Variants in MARCHF1 observed in about 807,000 individuals in gnomAD.
MARCHF1 encodes E3 ubiquitin-protein ligase MARCHF1.
Under a neutral mutation model 54.2 loss-of-function variants are expected in MARCHF1, and 40 were observed. The observed-to-expected ratio is 0.74, with a 90% CI of 0.57 to 0.96. The LOEUF is 0.96. MARCHF1 is among the 40% of genes least tolerant of loss of function. MARCHF1 has a pLI of 0.00. For missense variants in MARCHF1, 586 were observed against 656.5 expected (o/e 0.89, Z 1.17); for synonymous variants, 236 against 236.3 (o/e 1.00, Z 0.01).
intron 1 of MARCHF1, among the ~76,000 whole-genome samples, chr4:164,285,333 TGCAGTGCATTA>T (rs1734116213): frequency 6.6e-6 from 1 of 152,130 alleles, no homozygotes; most frequent in East Asian, 1.9e-4. Context: ...GGTTCAAGGC[TGCAGTGCATTA>T]TGATTCTGCC....
intron 3 of MARCHF1, among the ~76,000 whole-genome samples, chr4:163,898,213 C>T (rs1409593460): frequency 6.6e-6 from 1 of 151,814 alleles, no homozygotes; most frequent in Non-Finnish European, 1.5e-5. Flanking sequence ...AACTAAAAAG[C>T]TCTGCACAGC....
chr4:164,005,070 TAAATC>T (rs796964542), intron 2 of MARCHF1, among the ~76,000 whole-genome samples: 58 of 151,490 alleles, frequency 3.8e-4, no homozygotes, highest in African/African-American at 1.4e-3. Flanking sequence ...AAAAGATAAA[TAAATC>T]AAAAGAAAAG....
intron 4 of MARCHF1, among the ~76,000 whole-genome samples, chr4:163,789,252 C>G (rs565793828): frequency 5.9e-4 from 89 of 151,986 alleles, no homozygotes; most frequent in African/African-American, 2.0e-3. Flanking sequence ...ATACAAGCGA[C>G]TTAAAGATCA....
chr4:163,733,243 ACG>A (rs1554008872), intron 4 of MARCHF1, among the ~76,000 whole-genome samples: 7 of 55,186 alleles, frequency 1.3e-4, no homozygotes, highest in African/African-American at 3.3e-4. Context: ...ATATATATAC[ACG>A]TGTATATATA....
chr4:164,121,826 C>T (rs1011988436), intron 1 of MARCHF1, among the ~76,000 whole-genome samples: 3 of 152,042 alleles, frequency 2.0e-5, no homozygotes, highest in African/African-American at 4.8e-5. Flanking sequence ...GGAGAGATTA[C>T]TTCCAAATTC....
intron 4 of MARCHF1, among the ~76,000 whole-genome samples, chr4:163,711,489 G>T (rs1257710011): frequency 6.6e-6 from 1 of 152,126 alleles, no homozygotes; most frequent in South Asian, 2.1e-4. Context: ...ATCTCACCAA[G>T]GCTCCTTTGC....
intron 1 of MARCHF1, among the ~76,000 whole-genome samples, chr4:164,262,107 GAA>G (rs1184867700): frequency 6.9e-5 from 5 of 72,288 alleles, no homozygotes; most frequent in African/African-American, 1.2e-4. Context: ...CCTATCTTAA[GAA>G]AAAAAAAAAA....
intron 1 of MARCHF1, among the ~76,000 whole-genome samples, chr4:164,345,671 G>A (rs760008175): frequency 4.6e-5 from 7 of 150,982 alleles, no homozygotes; most frequent in African/African-American, 7.3e-5. Flanking sequence ...AACACATCAC[G>A]CAAATTTGAC....
intron 4 of MARCHF1, among the ~76,000 whole-genome samples, chr4:163,725,164 T>C (rs1745613739): frequency 6.6e-6 from 1 of 152,174 alleles, no homozygotes; most frequent in South Asian, 2.1e-4. Flanking sequence ...TATATATTAA[T>C]TTATAATGGC....
chr4:163,608,277 G>A (rs1459284836), intron 7 of MARCHF1, among the ~76,000 whole-genome samples: 1 of 152,036 alleles, frequency 6.6e-6, no homozygotes, highest in East Asian at 1.9e-4. Flanking sequence ...GAAAGAATAG[G>A]AAGTCGTCTG....
Position 163,528,747 on chromosome 4 carries a change from A to C in MARCHF1, c.*1T>G. On this transcript the variant is annotated 3_prime_UTR_variant, in exon 10 of 10. Transcript: ENST00000514618. ...GGTGAAGAAACTCCCAACAGGTTCC[A>C]TCAGACTGATACAACTTCAGGGGGG... The C allele has an allele frequency of 6.2e-7, 1 of 1,606,078 alleles. No homozygotes were observed. Among genetic ancestry groups the C allele is most frequent in the Non-Finnish European group, 8.5e-7 (1 of 1,175,266 alleles).
chr4:163,935,574 G>A (rs1254997780), intron 3 of MARCHF1, among the ~76,000 whole-genome samples: 1 of 152,080 alleles, frequency 6.6e-6, no homozygotes, highest in African/African-American at 2.4e-5. Flanking sequence ...AGCCTTCACA[G>A]AATTGAAGAG....
chr4:163,898,799 C>T lies in MARCHF1; in HGVS notation c.-38-44630G>A, dbSNP rs145410124. Among the ~76,000 whole-genome samples the T allele has an allele frequency of 7.9e-4, 120 of 152,186 alleles. 2 individuals carry two copies. In the East Asian group the frequency reaches 0.018, roughly 22 times the overall value. On this transcript the variant is annotated intron_variant, in intron 3 of 9. Transcript: ENST00000514618. ...TGGAACTAACCTATGTGTCCGTCAA[C>T]GATTGACTGGATAAAGAAAATGCGG...
chr4:163,707,991 G>A (rs960208712), intron 4 of MARCHF1, among the ~76,000 whole-genome samples: 1 of 151,846 alleles, frequency 6.6e-6, no homozygotes, highest in East Asian at 1.9e-4. Context: ...GAAACTAGAA[G>A]GCTAGAAAAG....
chr4:164,189,170 A>T, intron 1 of MARCHF1: 1 of 572,430 alleles, frequency 1.7e-6, no homozygotes, highest in East Asian at 3.1e-5. Context: ...GTCATGGAAC[A>T]TTTCATCAAG....
intron 3 of MARCHF1, among the ~76,000 whole-genome samples, chr4:163,881,197 G>A (rs537761953): frequency 1.4e-4 from 21 of 152,256 alleles, no homozygotes; most frequent in African/African-American, 4.6e-4. Flanking sequence ...CAACAAGGCC[G>A]GGCATGGTGG....
intron 5 of MARCHF1, among the ~76,000 whole-genome samples, chr4:163,655,189 GATTT>G (rs1161091096): frequency 2.6e-5 from 4 of 151,508 alleles, no homozygotes; most frequent in East Asian, 1.9e-4. Flanking sequence ...TACAATAGAT[GATTT>G]ATTTTTAGCT....
chr4:164,045,724 A>T (rs1186738846), intron 2 of MARCHF1, among the ~76,000 whole-genome samples: 1 of 150,530 alleles, frequency 6.6e-6, no homozygotes, highest in Non-Finnish European at 1.5e-5. Flanking sequence ...CAGAAAAAAA[A>T]AAACTAGTCA....
chr4:164,141,812 G>A (rs971352683), intron 1 of MARCHF1, among the ~76,000 whole-genome samples: 1 of 152,224 alleles, frequency 6.6e-6, no homozygotes, highest in African/African-American at 2.4e-5. Flanking sequence ...ATGTTGGGGG[G>A]AGGAGCCAAG....
Sources: allele counts gnomAD v4.1 joint callset (sites outside exome capture counted in the v4.1 genomes callset), GRCh38; gene constraint gnomAD v4.1.1; transcripts MANE v1.5; gene names NCBI Gene and HGNC (gene_info 2026-07-23, HGNC 2026-07-21).